The following DLGAP2 variants were observed in gnomAD, a reference collection of about 807,000 sequenced individuals.
The protein encoded by DLGAP2 is disks large-associated protein 2.
Under a neutral mutation model 100.3 loss-of-function variants are expected in DLGAP2, and 26 were observed. The observed-to-expected ratio is 0.26, with a 90% CI of 0.19 to 0.36. DLGAP2 has a LOEUF of 0.36. Among genes scored for constraint, DLGAP2 ranks in the 10% least tolerant of loss-of-function variants. The pLI is 1.00. For missense variants in DLGAP2, 1,858 were observed against 1,453.2 expected (o/e 1.28, Z -4.53); for synonymous variants, 886 against 630.1 (o/e 1.41, Z -6.08).
At chr8:1,478,092 C>T (rs1162246658) in intron 3 of DLGAP2, among the ~76,000 whole-genome samples, 1 of 152,236 alleles carries the variant, frequency 6.6e-6, no homozygotes, top group Non-Finnish European at 1.5e-5. Context: ...CATTTGCCGT[C>T]TTGCTCATGG....
Position 1,439,990 on chromosome 8 carries a change from G to A in DLGAP2, c.107-61376G>A, listed in dbSNP as rs192426725. Among the ~76,000 whole-genome samples the A allele has an allele frequency of 2.5e-4, 38 of 152,274 alleles. 1 individual carries two copies. The highest frequency in any genetic ancestry group is 8.2e-4 in the African/African-American group (34 of 41,556). ...AGCACCTATGATGTGCAAGTCACCA[G>A]AGCCACACTCTAGTAAGTGATAGAG... On this transcript the variant is annotated intron_variant, in intron 3 of 14. Coordinates refer to ENST00000637795, the MANE Select transcript of DLGAP2 (RefSeq NM_001346810.2).
At chr8:1,033,958 C>T (rs373339091) in intron 2 of DLGAP2, among the ~76,000 whole-genome samples, 1,697 of 82,728 alleles carry the variant, frequency 0.021, 4 homozygotes, top group Non-Finnish European at 0.028. Context: ...CACGCTCATC[C>T]CGACCCCGCG....
intron 2 of DLGAP2, among the ~76,000 whole-genome samples, chr8:989,033 T>C (rs549027185): frequency 3.9e-5 from 6 of 152,336 alleles, no homozygotes; most frequent in South Asian, 2.1e-4. Flanking sequence ...GTCTCTGCTG[T>C]CGAGGGCTCT....
intron 8 of DLGAP2, among the ~76,000 whole-genome samples, chr8:1,650,544 G>T (rs948027723): frequency 2.0e-5 from 3 of 152,242 alleles, no homozygotes; most frequent in Non-Finnish European, 4.4e-5. Flanking sequence ...TTATCTGGCA[G>T]ATGGCGCTTA....
intron 2 of DLGAP2, chr8:1,002,595 A>G (rs571748441): frequency 6.6e-6 from 1 of 152,354 alleles, no homozygotes; most frequent in African/African-American, 2.4e-5. Flanking sequence ...GGTCAGCAGA[A>G]TCTACCCAGC....
intron 3 of DLGAP2, among the ~76,000 whole-genome samples, chr8:1,438,859 C>T (rs1584904596): frequency 6.6e-6 from 1 of 152,308 alleles, no homozygotes; most frequent in East Asian, 1.9e-4. Flanking sequence ...GTGGAATGGG[C>T]TGTAATACCA....
intron 4 of DLGAP2, among the ~76,000 whole-genome samples, chr8:1,512,169 A>C (rs975500010): frequency 3.3e-5 from 5 of 152,250 alleles, no homozygotes; most frequent in African/African-American, 1.2e-4. Context: ...CAGCTGGGTT[A>C]GAGTGCACTC....
At chr8:1,585,920 G>A (rs906150340) in intron 6 of DLGAP2, among the ~76,000 whole-genome samples, 4 of 152,226 alleles carry the variant, frequency 2.6e-5, no homozygotes, top group Non-Finnish European at 4.4e-5. Context: ...TATCCTGTCC[G>A]GACACTTTCG....
chr8:1,310,988 C>T (rs1048527575), intron 3 of DLGAP2, among the ~76,000 whole-genome samples: 1 of 151,760 alleles, frequency 6.6e-6, no homozygotes, highest in Non-Finnish European at 1.5e-5. Context: ...ATCAACAAAA[C>T]TGAAGTCAGT....
At chr8:1,038,686 A>G (rs190153836) in intron 2 of DLGAP2, among the ~76,000 whole-genome samples, 228 of 152,360 alleles carry the variant, frequency 1.5e-3, no homozygotes, top group Middle Eastern at 6.8e-3. Context: ...CTGTAAAAGC[A>G]TGTAGAATTT....
At chr8:1,475,075 C>T (rs148407119) in intron 3 of DLGAP2, among the ~76,000 whole-genome samples, 6 of 152,236 alleles carry the variant, frequency 3.9e-5, no homozygotes, top group Admixed American at 6.5e-5. Context: ...ATCATGTCCT[C>T]GCAGAGACAC....
intron 6 of DLGAP2, among the ~76,000 whole-genome samples, chr8:1,622,799 T>G (rs947346759): frequency 6.6e-6 from 1 of 152,204 alleles, no homozygotes; most frequent in Non-Finnish European, 1.5e-5. Flanking sequence ...CCGCAGGAAT[T>G]ACCACTTAGA....
At chr8:1,230,043 A>G (rs892002798) in intron 2 of DLGAP2, among the ~76,000 whole-genome samples, 4 of 152,200 alleles carry the variant, frequency 2.6e-5, no homozygotes, top group African/African-American at 9.6e-5. Flanking sequence ...AGTAAAAGAC[A>G]TCCAAATAAT....
At chr8:1,445,244 C>A (rs1407108810) in intron 3 of DLGAP2, among the ~76,000 whole-genome samples, 1 of 100,304 alleles carries the variant, frequency 1.0e-5, no homozygotes, top group Non-Finnish European at 1.9e-5. Context: ...CCCCCTCCCC[C>A]CACCCCACAA....
chr8:1,358,791 G>C (rs575769056), intron 3 of DLGAP2, among the ~76,000 whole-genome samples: 1 of 152,252 alleles, frequency 6.6e-6, no homozygotes, highest in South Asian at 2.1e-4. Context: ...TGGGCGGCCT[G>C]GAACCGAACT....
chr8:1,572,762 A>T (rs535067207), intron 6 of DLGAP2, among the ~76,000 whole-genome samples: 4 of 74,048 alleles, frequency 5.4e-5, no homozygotes, highest in African/African-American at 1.8e-4. Context: ...TGAGATGGAG[A>T]GGAGAGAGGG....
At chr8:1,612,778 A>G (rs1341605435) in intron 6 of DLGAP2, among the ~76,000 whole-genome samples, 5 of 117,780 alleles carry the variant, frequency 4.2e-5, no homozygotes, top group African/African-American at 9.9e-5. Context: ...GCAGCCAAAA[A>G]ACACATGAAA....
At chr8:1,610,895 C>G (rs1251973697) in intron 6 of DLGAP2, among the ~76,000 whole-genome samples, 1 of 114,832 alleles carries the variant, frequency 8.7e-6, no homozygotes, top group Non-Finnish European at 1.7e-5. Flanking sequence ...TGGCAATAAT[C>G]AATAGTTTAC....
chr8:1,599,436 T>C (rs146445352), intron 6 of DLGAP2, among the ~76,000 whole-genome samples: 345 of 152,298 alleles, frequency 2.3e-3, no homozygotes, highest in African/African-American at 8.1e-3. Context: ...TTCTGTCTCA[T>C]TGATCTAATA....
Sources: gnomAD v4.1 joint callset for allele counts (sites outside exome capture counted in the v4.1 genomes callset) on GRCh38, gnomAD v4.1.1 for gene constraint, MANE v1.5 for transcripts, NCBI Gene and HGNC (gene_info 2026-07-23, HGNC 2026-07-21) for gene names.